The following CATSPERB variants were observed in gnomAD, a reference collection of about 807,000 sequenced individuals.
CATSPERB encodes the protein cation channel sperm-associated auxiliary subunit beta.
CATSPERB carries 93 observed loss-of-function variants against 128.3 expected under a neutral mutation model. That is an observed-to-expected ratio of 0.72 (90% CI 0.61 to 0.86). The LOEUF (loss-of-function observed/expected upper bound fraction) is 0.86. Ranked by LOEUF, CATSPERB falls within the 40% of genes least tolerant of loss-of-function variation. CATSPERB has a pLI of 0.00. For synonymous variants in CATSPERB, 381 were observed against 448.8 expected (o/e 0.85, Z 1.91); for missense variants, 1,153 against 1,329.5 (o/e 0.87, Z 2.06).
At chr14:91,676,551 T>A (rs1173656411) in intron 11 of CATSPERB, among the ~76,000 whole-genome samples, 4 of 152,138 alleles carry the variant, frequency 2.6e-5, no homozygotes, top group Non-Finnish European at 5.9e-5. Context: ...GCCTTGAATC[T>A]GCTTTGAATC....
intron 1 of CATSPERB, among the ~76,000 whole-genome samples, chr14:91,731,676 G>T (rs1246778992): frequency 6.6e-6 from 1 of 152,064 alleles, no homozygotes; most frequent in Non-Finnish European, 1.5e-5. Context: ...GACCTACTTA[G>T]CAGTTAAATT....
chr14:91,594,715 A>G (rs1402401308), intron 22 of CATSPERB, among the ~76,000 whole-genome samples: 1 of 152,194 alleles, frequency 6.6e-6, no homozygotes, highest in Non-Finnish European at 1.5e-5. Context: ...ATGTCTTGTG[A>G]AGAGAAAATA....
At chr14:91,596,602 A>G (rs1023849740) in intron 22 of CATSPERB, among the ~76,000 whole-genome samples, 1 of 152,188 alleles carries the variant, frequency 6.6e-6, no homozygotes, top group African/African-American at 2.4e-5. Context: ...AAAAGACACA[A>G]TTGACAAGGA....
At chr14:91,628,385 A>G (rs1894208548) in intron 17 of CATSPERB, among the ~76,000 whole-genome samples, 1 of 152,214 alleles carries the variant, frequency 6.6e-6, no homozygotes, top group African/African-American at 2.4e-5. Flanking sequence ...TACCTCACCA[A>G]AGAATATATG....
chr14:91,615,060 C>T (rs933419769), intron 20 of CATSPERB, among the ~76,000 whole-genome samples: 22 of 152,140 alleles, frequency 1.4e-4, no homozygotes, highest in African/African-American at 5.3e-4. Flanking sequence ...AACAAAAACC[C>T]ATATTCTTCC....
intron 7 of CATSPERB, among the ~76,000 whole-genome samples, chr14:91,694,459 A>G (rs1366165606): frequency 2.7e-5 from 4 of 150,646 alleles, no homozygotes; most frequent in African/African-American, 9.8e-5. Context: ...AAAAAAAAAA[A>G]AAAAAAAGAA....
intron 5 of CATSPERB, among the ~76,000 whole-genome samples, chr14:91,716,730 C>CAG (rs1357436717): frequency 6.6e-6 from 1 of 151,678 alleles, no homozygotes; most frequent in Non-Finnish European, 1.5e-5. Flanking sequence ...CACACACACA[C>CAG]ACACACACAC....
At chr14:91,647,045 C>A (rs1894618382) in intron 15 of CATSPERB, among the ~76,000 whole-genome samples, 1 of 152,166 alleles carries the variant, frequency 6.6e-6, no homozygotes, top group African/African-American at 2.4e-5. Context: ...ATGGTGAAAC[C>A]TCATCTCTAC....
chr14:91,633,702 G>A (rs941148921), intron 17 of CATSPERB, among the ~76,000 whole-genome samples: 1 of 151,890 alleles, frequency 6.6e-6, no homozygotes, highest in Admixed American at 6.6e-5. Context: ...CTATAGATAA[G>A]CTCAATAGAT....
intron 22 of CATSPERB, among the ~76,000 whole-genome samples, chr14:91,602,903 C>T (rs1315330180): frequency 7.2e-5 from 11 of 152,152 alleles, no homozygotes; most frequent in African/African-American, 2.4e-4. Context: ...TTGTCATCAT[C>T]ATCATCACCT....
chr14:91,660,071 G>T, intron 14 of CATSPERB, 90 bp from the exon 15 acceptor site: 2 of 1,125,824 alleles, frequency 1.8e-6, no homozygotes, highest in East Asian at 2.6e-5. Context: ...TAGCCATGTG[G>T]CATGATCTTT....
chr14:91,726,722 G>C (rs1381459432), intron 2 of CATSPERB, among the ~76,000 whole-genome samples: 2 of 152,148 alleles, frequency 1.3e-5, no homozygotes, highest in Non-Finnish European at 1.5e-5. Context: ...GGAGGGGAAG[G>C]GGCTATGAAG....
chr14:91,677,593 CT>C (rs1184558532), intron 11 of CATSPERB, among the ~76,000 whole-genome samples: 1 of 152,194 alleles, frequency 6.6e-6, no homozygotes, highest in East Asian at 1.9e-4. Flanking sequence ...AATAGGAACG[CT>C]TTTACACTGT....
chr14:91,615,972 C>T (rs539393155), intron 20 of CATSPERB, among the ~76,000 whole-genome samples: 2 of 150,738 alleles, frequency 1.3e-5, no homozygotes, highest in African/African-American at 4.9e-5. Flanking sequence ...TTCCGCCTCC[C>T]GTGGTCAAGC....
chr14:91,680,670 CTG>C lies in CATSPERB; in HGVS notation c.931+3205_931+3206del, dbSNP rs1201355828. 1.7e-3 allele frequency among the ~76,000 whole-genome samples: 259 copies of C among 152,244 alleles called. 1 individual carries two copies. The highest frequency in any genetic ancestry group is 2.8e-3 in the Non-Finnish European group (192 of 68,016). The stretch of plus-strand genomic sequence containing the variant: ...TGTCCCACTGGAGGGCATGACAGAC[CTG>C]GGAAAGGTAGTCATACCACCCCAGC... On this transcript the variant is annotated intron_variant, in intron 11 of 26. Transcript: ENST00000256343.
chr14:91,625,278 G>C (rs1894138145), intron 17 of CATSPERB, among the ~76,000 whole-genome samples: 1 of 152,154 alleles, frequency 6.6e-6, no homozygotes, highest in Admixed American at 6.5e-5. Flanking sequence ...CTACTGATGG[G>C]ATTGTAAATT....
intron 18 of CATSPERB, among the ~76,000 whole-genome samples, chr14:91,622,876 G>T (rs193066317): frequency 2.1e-4 from 31 of 144,954 alleles, no homozygotes; most frequent in African/African-American, 6.8e-4. Context: ...ACAGCTTTTT[G>T]TCAAAGTTCT....
intron 7 of CATSPERB, among the ~76,000 whole-genome samples, chr14:91,698,294 T>C (rs1490444604): frequency 6.6e-6 from 1 of 152,152 alleles, no homozygotes; most frequent in Admixed American, 6.5e-5. Flanking sequence ...TCTTCAGGGG[T>C]TTCTAGGTAT....
At chr14:91,622,053 A>G (rs1566707298) in intron 18 of CATSPERB, 116 bp from the exon 19 acceptor site, 1 of 639,504 alleles carries the variant, frequency 1.6e-6, no homozygotes, top group Admixed American at 3.2e-5. Context: ...TCTCTTAACC[A>G]GAGAACACAG....
Sources: gnomAD v4.1 joint callset for allele counts (sites outside exome capture counted in the v4.1 genomes callset) on GRCh38, gnomAD v4.1.1 for gene constraint, MANE v1.5 for transcripts, NCBI Gene and HGNC (gene_info 2026-07-23, HGNC 2026-07-21) for gene names.